THSD4: variants seen among roughly 807,000 people sequenced by gnomAD.
THSD4 encodes thrombospondin type-1 domain-containing protein 4.
A neutral mutation model predicts 119.0 loss-of-function variants in THSD4; 69 were observed. That is an observed-to-expected ratio of 0.58 (90% CI 0.48 to 0.71). The LOEUF is 0.71. Among genes scored for constraint, THSD4 ranks in the 30% least tolerant of loss-of-function variants. The pLI is 0.00. For synonymous variants in THSD4, 524 were observed against 540.4 expected (o/e 0.97, Z 0.42); for missense variants, 1,393 against 1,391.1 (o/e 1.00, Z -0.02).
At chr15:71,346,877 T>C (rs1458668160) in intron 6 of THSD4, among the ~76,000 whole-genome samples, 2 of 136,328 alleles carry the variant, frequency 1.5e-5, no homozygotes, top group African/African-American at 5.5e-5. Context: ...TCTTTTTTTT[T>C]TTTTTTTTTT....
chr15:71,106,661 A>G (rs1430800713), intron 1 of THSD4, among the ~76,000 whole-genome samples: 3 of 152,156 alleles, frequency 2.0e-5, no homozygotes, highest in South Asian at 2.1e-4. Flanking sequence ...ATCAACCATT[A>G]TATCAGTCAT....
chr15:71,595,858 G>GCC (rs1049307975), intron 7 of THSD4, among the ~76,000 whole-genome samples: 7 of 152,186 alleles, frequency 4.6e-5, no homozygotes, highest in African/African-American at 1.7e-4. Flanking sequence ...TAAGAAACTT[G>GCC]CCCAAGGTCT....
intron 6 of THSD4, among the ~76,000 whole-genome samples, chr15:71,359,082 C>T (rs1465895990): frequency 6.6e-6 from 1 of 152,212 alleles, no homozygotes; most frequent in Non-Finnish European, 1.5e-5. Flanking sequence ...ACGTAATCCT[C>T]AGTCTAAAGA....
At chr15:71,678,463 T>A (rs2051697119) in intron 8 of THSD4, among the ~76,000 whole-genome samples, 1 of 152,200 alleles carries the variant, frequency 6.6e-6, no homozygotes, top group South Asian at 2.1e-4. Flanking sequence ...ACCTGCCTTC[T>A]AAGATTGCCC....
At position 71,778,332 on chromosome 15, in the gene THSD4, T is replaced by C. The variant is rs1044206932; in HGVS notation, c.*958T>C. 4 of 152,270 alleles carry C rather than the reference T, an allele frequency of 2.6e-5. No homozygotes were observed. The highest frequency in any genetic ancestry group is 5.9e-5 in the Non-Finnish European group (4 of 68,064). 9.4% of individuals were successfully genotyped at this position (152,270 alleles called of 1,614,324 possible). On this transcript the variant is annotated 3_prime_UTR_variant, in exon 18 of 18. Transcript: ENST00000261862. The stretch of plus-strand genomic sequence containing the variant: ...GTTACAGATCCTAGTTACAGGACTC[T>C]GCCAGCTTTGTTAAACTGTCCGTGA...
At chr15:71,130,290 A>ATCC (rs1219981040) in intron 1 of THSD4, among the ~76,000 whole-genome samples, 1 of 152,034 alleles carries the variant, frequency 6.6e-6, no homozygotes, top group Non-Finnish European at 1.5e-5. Context: ...GGCTCAATCG[A>ATCC]TCCTCCCACC....
intron 8 of THSD4, among the ~76,000 whole-genome samples, chr15:71,697,929 T>TA (rs938618467): frequency 2.6e-5 from 4 of 151,896 alleles, no homozygotes; most frequent in Non-Finnish European, 4.4e-5. Context: ...TTTTTTTTTT[T>TA]ATGGGGGTAG....
chr15:71,483,097 C>A (rs373013809), intron 7 of THSD4, among the ~76,000 whole-genome samples: 3 of 151,970 alleles, frequency 2.0e-5, no homozygotes, highest in Non-Finnish European at 4.4e-5. Flanking sequence ...GTATCTTTTA[C>A]AGTAAGGAAT....
chr15:71,107,439 A>G (rs1437241979), intron 1 of THSD4, among the ~76,000 whole-genome samples: 4 of 152,206 alleles, frequency 2.6e-5, no homozygotes, highest in African/African-American at 9.6e-5. Flanking sequence ...AAAGAAAAAA[A>G]GAAGAGAAGA....
intron 2 of THSD4, among the ~76,000 whole-genome samples, chr15:71,150,403 C>T (rs1453662662): frequency 5.3e-5 from 8 of 152,204 alleles, no homozygotes; most frequent in Non-Finnish European, 8.8e-5. Flanking sequence ...GGGAAACTTT[C>T]AGCCCTTGGC....
intron 8 of THSD4, among the ~76,000 whole-genome samples, chr15:71,699,823 G>A (rs958014561): frequency 6.6e-6 from 1 of 152,206 alleles, no homozygotes; most frequent in Middle Eastern, 3.4e-3. Context: ...GAGTAAAAAG[G>A]TCGGTTCATT....
intron 6 of THSD4, among the ~76,000 whole-genome samples, chr15:71,312,673 T>C (rs993878448): frequency 1.3e-5 from 2 of 152,074 alleles, no homozygotes; most frequent in Admixed American, 1.3e-4. Context: ...CCACACATGA[T>C]CAGTTACCTC....
intron 3 of THSD4, among the ~76,000 whole-genome samples, chr15:71,194,924 C>A (rs1356540848): frequency 6.6e-6 from 1 of 151,808 alleles, no homozygotes; most frequent in Admixed American, 6.6e-5. Flanking sequence ...TCGGCGGCCA[C>A]CAGAGAAGCA....
chr15:71,156,214 C>T (rs1232299578), intron 3 of THSD4, among the ~76,000 whole-genome samples: 1 of 151,850 alleles, frequency 6.6e-6, no homozygotes, highest in African/African-American at 2.4e-5. Flanking sequence ...TTATTTGTAT[C>T]TAAGTGTGAG....
At chr15:71,413,899 T>C (rs2046722920) in intron 7 of THSD4, among the ~76,000 whole-genome samples, 1 of 152,246 alleles carries the variant, frequency 6.6e-6, no homozygotes, top group Non-Finnish European at 1.5e-5. Context: ...CCAGCTTTAA[T>C]GTTCCCTGCT....
rs138594188 is a variant in THSD4 at position 71,719,077 on chromosome 15, T to C, written c.1358-9472T>C. On this transcript the variant is annotated intron_variant, in intron 8 of 17. Coordinates refer to ENST00000261862, the MANE Select transcript of THSD4 (RefSeq NM_024817.3). ...TAAAGTTAAACCACACAAACTTTCT[T>C]TAAAGTTAGTATTCAAAGGAAATTT... Among the ~76,000 whole-genome samples the C allele has an allele frequency of 1.9e-3, 289 of 152,340 alleles. 2 individuals carry two copies. The highest frequency in any genetic ancestry group is 6.8e-3 in the African/African-American group (283 of 41,582).
At chr15:71,221,280 C>T (rs1261121716) in intron 4 of THSD4, among the ~76,000 whole-genome samples, 1 of 152,168 alleles carries the variant, frequency 6.6e-6, no homozygotes, top group East Asian at 1.9e-4. Flanking sequence ...TTAAAATACA[C>T]ATAACATAAA....
chr15:71,323,008 G>A (rs1310000784), intron 6 of THSD4, among the ~76,000 whole-genome samples: 2 of 150,258 alleles, frequency 1.3e-5, no homozygotes, highest in African/African-American at 2.5e-5. Flanking sequence ...GAGGTGGGAG[G>A]ATCACCTGAG....
intron 7 of THSD4, among the ~76,000 whole-genome samples, chr15:71,593,032 G>A (rs2140876786): frequency 6.6e-6 from 1 of 152,222 alleles, no homozygotes; most frequent in South Asian, 2.1e-4. Flanking sequence ...TTCCAGAGAG[G>A]GTCAGAGCCA....
Sources: allele counts gnomAD v4.1 joint callset (sites outside exome capture counted in the v4.1 genomes callset), GRCh38; gene constraint gnomAD v4.1.1; transcripts MANE v1.5; gene names NCBI Gene and HGNC (gene_info 2026-07-23, HGNC 2026-07-21).